The following DLC1 variants were observed in gnomAD, a reference collection of about 807,000 sequenced individuals.
DLC1 encodes the protein rho GTPase-activating protein 7.
Under a neutral mutation model 140.3 loss-of-function variants are expected in DLC1, and 54 were observed. The observed-to-expected ratio is 0.38, with a 90% CI of 0.31 to 0.48. The LOEUF is 0.48. Ranked by LOEUF, DLC1 falls within the 20% of genes least tolerant of loss-of-function variation. The pLI, the probability that DLC1 is intolerant of heterozygous loss-of-function variation, is 0.96. For synonymous variants in DLC1, 986 were observed against 728.1 expected, an observed-to-expected ratio of 1.35 and a Z score of -5.70; for missense variants, 2,536 against 1,907.0, an observed-to-expected ratio of 1.33 and a Z score of -6.14.
intron 5 of DLC1, among the ~76,000 whole-genome samples, chr8:13,165,167 A>G (rs78440063): frequency 0.034 from 5,216 of 152,262 alleles, 475 homozygotes; most frequent in East Asian, 0.28. Flanking sequence ...CCTATGCAAT[A>G]TTTGATATAT....
At chr8:13,567,824 G>A (rs1172075185) in intron 1 of DLC1, 1 of 1,551,846 alleles carries the variant, frequency 6.4e-7, no homozygotes, top group East Asian at 2.4e-5. Flanking sequence ...GGTTTTGAAA[G>A]ATCAGAGACA....
At chr8:13,393,771 G>A (rs755738533) in intron 3 of DLC1, 78 bp from the exon 4 acceptor site, 10 of 1,522,100 alleles carry the variant, frequency 6.6e-6, no homozygotes, top group Non-Finnish European at 8.9e-6. Context: ...CCAGAACTTT[G>A]TCACTTCTTC....
intron 1 of DLC1, among the ~76,000 whole-genome samples, chr8:13,553,948 A>G (rs972379571): frequency 6.6e-6 from 1 of 151,900 alleles, no homozygotes; most frequent in Non-Finnish European, 1.5e-5. Context: ...CCTTTGCTTG[A>G]TCTTTCTAAC....
At chr8:13,484,662 T>A (rs1800883132) in intron 2 of DLC1, among the ~76,000 whole-genome samples, 1 of 152,072 alleles carries the variant, frequency 6.6e-6, no homozygotes. Context: ...CACAACATCC[T>A]TGTTAAAATG....
intron 4 of DLC1, among the ~76,000 whole-genome samples, chr8:13,364,038 TG>T (rs1318861858): frequency 6.6e-6 from 1 of 152,154 alleles, no homozygotes; most frequent in African/African-American, 2.4e-5. Context: ...TGTGTGTGTA[TG>T]TGTGTGTGTG....
Position 13,453,419 on chromosome 8 carries a change from TA to T in DLC1, c.1023+45629del, listed in dbSNP as rs1563359715. On this transcript the variant is annotated intron_variant, in intron 2 of 17. Transcript: ENST00000276297. Reference sequence around the variant, plus strand: ...ATATATATGTGTATATATATATATATATATGTGTATATATATATGTATATAT... The same window carrying T: ...ATATATATGTGTATATATATATATATTATGTGTATATATATATGTATATAT... Among the ~76,000 whole-genome samples, 55 of 46,736 alleles carry T rather than the reference TA, an allele frequency of 1.2e-3. 3 individuals are homozygous for T. The highest frequency in any genetic ancestry group is 6.9e-3 in the African/African-American group (48 of 6,936). The allele number at this position is 46,736 out of a possible 152,430, so 30.7% of individuals were successfully genotyped here. A position where few individuals can be genotyped will look rare whatever the true frequency, so the allele number is the denominator to read the frequency against.
At chr8:13,495,154 T>A (rs917873882) in intron 2 of DLC1, among the ~76,000 whole-genome samples, 3 of 152,244 alleles carry the variant, frequency 2.0e-5, no homozygotes. Flanking sequence ...AATAAACATA[T>A]GTTCAGACAT....
chr8:13,314,041 A>G (rs1202750849), intron 4 of DLC1, among the ~76,000 whole-genome samples: 1 of 152,102 alleles, frequency 6.6e-6, no homozygotes, highest in African/African-American at 2.4e-5. Flanking sequence ...TGTACCAGAA[A>G]ATGTAGAACA....
At chr8:13,352,563 T>C (rs1161122335) in intron 4 of DLC1, among the ~76,000 whole-genome samples, 1 of 152,034 alleles carries the variant, frequency 6.6e-6, no homozygotes, top group Non-Finnish European at 1.5e-5. Flanking sequence ...TTATTTTTTG[T>C]AGAGACAGGG....
chr8:13,127,315 C>A (rs1821666181), intron 5 of DLC1, among the ~76,000 whole-genome samples: 1 of 152,200 alleles, frequency 6.6e-6, no homozygotes, highest in African/African-American at 2.4e-5. Flanking sequence ...TTCCAGTCAA[C>A]TCACATGTGA....
intron 1 of DLC1, among the ~76,000 whole-genome samples, chr8:13,544,038 G>A (rs11784728): frequency 1.3e-5 from 2 of 151,852 alleles, no homozygotes; most frequent in African/African-American, 2.4e-5. Context: ...TGAACAATTT[G>A]ATTAAAAATA....
chr8:13,362,080 A>G (rs944083113), intron 4 of DLC1, among the ~76,000 whole-genome samples: 5 of 152,230 alleles, frequency 3.3e-5, no homozygotes, highest in Non-Finnish European at 4.4e-5. Flanking sequence ...TTCCAGCCTC[A>G]GGCTCTGAAG....
rs575318590 is a variant in DLC1, at chr8:13,260,906, C to G, written c.1348+44363G>C. Among the ~76,000 whole-genome samples, 89 of 152,224 alleles carry G rather than the reference C, an allele frequency of 5.8e-4. 1 individual carries two copies. Among genetic ancestry groups the G allele is most frequent in the Non-Finnish European group, 4.9e-4 (33 of 68,006 alleles). On this transcript the variant is annotated intron_variant, in intron 5 of 17. Transcript: ENST00000276297. ...TCTATTTTATCTTTTAGTTGGTTCT[C>G]TAGAAGGTGTGCTTGCATAATTTAC...
chr8:13,410,842 G>T (rs956972243), intron 2 of DLC1, among the ~76,000 whole-genome samples: 3 of 152,130 alleles, frequency 2.0e-5, no homozygotes, highest in African/African-American at 4.8e-5. Flanking sequence ...TGCAAACCAA[G>T]AATCTGCAGC....
intron 5 of DLC1, among the ~76,000 whole-genome samples, chr8:13,204,232 G>A (rs572353331): frequency 6.6e-6 from 1 of 152,186 alleles, no homozygotes; most frequent in Admixed American, 6.5e-5. Context: ...GATGACCTCT[G>A]TTGGATGTGC....
intron 1 of DLC1, among the ~76,000 whole-genome samples, chr8:13,511,266 C>T (rs1205750636): frequency 2.0e-5 from 3 of 152,074 alleles, no homozygotes; most frequent in African/African-American, 7.2e-5. Flanking sequence ...TCTTTTCCAC[C>T]CATTTATCTC....
intron 2 of DLC1, among the ~76,000 whole-genome samples, chr8:13,460,571 G>T (rs894382401): frequency 1.3e-5 from 2 of 152,234 alleles, no homozygotes; most frequent in African/African-American, 2.4e-5. Flanking sequence ...ACCCTAAAGG[G>T]TATGAGAGTG....
intron 1 of DLC1, among the ~76,000 whole-genome samples, chr8:13,589,316 T>C (rs1805436844): frequency 6.6e-6 from 1 of 152,060 alleles, no homozygotes; most frequent in Admixed American, 6.6e-5. Flanking sequence ...CAAAATAAAG[T>C]CTTTCTAAGA....
In DLC1 at chr8:13,092,783, A is replaced by G. The variant is rs777519572; in HGVS notation, c.3569T>C (p.Ile1190Thr). The G allele has an allele frequency of 2.5e-6, 4 of 1,613,986 alleles. No individual in the cohort carries two copies. In the South Asian group the frequency reaches 4.4e-5, roughly 18 times the overall value. Residue 1190 changes from isoleucine (I) to threonine (T), a missense_variant, in exon 13 of 18, where the codon ATC becomes ACC. By Grantham distance (89) the Ile-to-Thr change is moderately conservative (BLOSUM62 -1). Coordinates refer to ENST00000276297, the MANE Select transcript of DLC1 (RefSeq NM_182643.3). Reference protein sequence around the residue: ...DQRLQAIKAAIMLLPDENREV... With the variant: ...DQRLQAIKAATMLLPDENREV... ...CCGGTTCTCGTCAGGCAGCAGCATG[A>G]TGGCAGCCTTGATGGCCTGCAGGCG...
Sources: gnomAD v4.1 joint callset for allele counts (sites outside exome capture counted in the v4.1 genomes callset) on GRCh38, gnomAD v4.1.1 for gene constraint, MANE v1.5 for transcripts, NCBI Gene and HGNC (gene_info 2026-07-23, HGNC 2026-07-21) for gene names.